Variants in CTNNA1 observed in about 807,000 individuals in gnomAD.
The protein encoded by CTNNA1 is catenin alpha 1.
CTNNA1 carries 37 observed loss-of-function variants against 98.4 expected under a neutral mutation model. The ratio of observed to expected loss-of-function variants is 0.38; its 90% CI spans 0.29 to 0.49. The LOEUF is 0.49. CTNNA1 is among the 20% of genes least tolerant of loss of function. CTNNA1 has a pLI of 0.95. For synonymous variants in CTNNA1, 404 were observed against 413.2 expected, an observed-to-expected ratio of 0.98 and a Z score of 0.27; for missense variants, 761 against 1,147.2, an observed-to-expected ratio of 0.66 and a Z score of 4.86.
intron 7 of CTNNA1, among the ~76,000 whole-genome samples, chr5:138,832,053 A>G (rs1428157760): frequency 1.3e-5 from 2 of 152,236 alleles, no homozygotes; most frequent in Non-Finnish European, 2.9e-5. Context: ...TGTTGAAAAA[A>G]TTAAACCAAA....
In CTNNA1 at chr5:138,819,719, C is replaced by G. The variant is rs148968564; in HGVS notation, c.589-4811C>G. Among the ~76,000 whole-genome samples, 351 of 152,230 alleles carry G rather than the reference C, an allele frequency of 2.3e-3. 2 individuals carry two copies. The highest frequency in any genetic ancestry group is 7.8e-3 in the African/African-American group (326 of 41,534). Reference sequence around the variant, plus strand: ...TGGGCACTAGTGTGGGGTGACTCCTCTAAGCAGCGAAGGTACTGTTTTCCC... The same window carrying G: ...TGGGCACTAGTGTGGGGTGACTCCTGTAAGCAGCGAAGGTACTGTTTTCCC... On this transcript the variant is annotated intron_variant, in intron 5 of 17. Coordinates refer to ENST00000302763, the MANE Select transcript of CTNNA1 (RefSeq NM_001903.5).
intron 7 of CTNNA1, among the ~76,000 whole-genome samples, chr5:138,846,873 A>G (rs753084613): frequency 1.1e-4 from 16 of 152,118 alleles, no homozygotes; most frequent in Non-Finnish European, 1.5e-4. Flanking sequence ...CATTATGTAC[A>G]TTGTTAGCCC....
chr5:138,842,636 G>A (rs1434167851), intron 7 of CTNNA1, among the ~76,000 whole-genome samples: 3 of 152,140 alleles, frequency 2.0e-5, no homozygotes, highest in African/African-American at 7.2e-5. Flanking sequence ...TTTTGTTGTG[G>A]AAAATCAGAC....
intron 3 of CTNNA1, among the ~76,000 whole-genome samples, chr5:138,802,877 A>G (rs141561182): frequency 6.6e-6 from 1 of 151,998 alleles, no homozygotes; most frequent in Admixed American, 6.6e-5. Flanking sequence ...AGCTCACTGT[A>G]GCCTTGACCT....
At chr5:138,761,556 C>T (rs1240601553) in intron 1 of CTNNA1, among the ~76,000 whole-genome samples, 3 of 151,628 alleles carry the variant, frequency 2.0e-5, no homozygotes, top group Admixed American at 6.6e-5. Context: ...GATTGGTATA[C>T]GAGAGAGTGA....
At chr5:138,897,107 C>T (rs370202646) in intron 9 of CTNNA1, among the ~76,000 whole-genome samples, 2 of 152,024 alleles carry the variant, frequency 1.3e-5, no homozygotes, top group South Asian at 2.1e-4. Context: ...ATCCTTTCCC[C>T]GCTACCACCA....
Position 138,924,553 on chromosome 5 carries a change from C to G in CTNNA1, c.1590C>G (p.Leu530=), listed in dbSNP as rs1035585758. 1 of 1,614,184 alleles carries G rather than the reference C, an allele frequency of 6.2e-7. No individual in the cohort carries two copies. The highest frequency in any genetic ancestry group is 1.1e-5 in the South Asian group (1 of 91,066). The change falls in exon 12 of 18, where the codon CTC becomes CTG. Residue 530 remains leucine, a synonymous_variant. Transcript: ENST00000302763. ...LEDVNKCVIA[L]QEKDVDGLDR... Reference sequence around the variant, plus strand: ...ATGTGAACAAATGTGTCATTGCTCTCCAAGAGAAGGATGTGGATGGCCTGG... The same window carrying G: ...ATGTGAACAAATGTGTCATTGCTCTGCAAGAGAAGGATGTGGATGGCCTGG...
At chr5:138,906,069 A>G (rs1411982818) in intron 10 of CTNNA1, among the ~76,000 whole-genome samples, 8 of 152,282 alleles carry the variant, frequency 5.3e-5, no homozygotes, top group African/African-American at 1.9e-4. Flanking sequence ...CAACCAAAAT[A>G]AGTAAAGCCT....
At chr5:138,775,881 C>T (rs1476725031) in intron 1 of CTNNA1, among the ~76,000 whole-genome samples, 2 of 151,168 alleles carry the variant, frequency 1.3e-5, no homozygotes, top group African/African-American at 2.4e-5. Context: ...TGCCACCACA[C>T]CTGGCTAATT....
intron 17 of CTNNA1, 120 bp downstream of exon 17, chr5:138,932,832 C>G: frequency 7.9e-7 from 1 of 1,265,442 alleles, no homozygotes. Context: ...GCAGAAACTC[C>G]AAGTCCTGTC....
intron 1 of CTNNA1, among the ~76,000 whole-genome samples, chr5:138,779,717 G>A (rs112891070): frequency 2.7e-5 from 2 of 74,478 alleles, no homozygotes; most frequent in Non-Finnish European, 5.8e-5. Context: ...GTTTTTTTTT[G>A]TTTTTGTTTT....
rs1180858631 is a variant in CTNNA1, at chr5:138,758,514, C to CT, written c.-3+5005dup. ...TGCCTCAGCCTCGCAAATAGCTGGA[C>CT]TACAGGCACATGCCACCACGCCCAG... On this transcript the variant is annotated intron_variant, in intron 1 of 17. Coordinates refer to ENST00000302763, the MANE Select transcript of CTNNA1 (RefSeq NM_001903.5). Among the ~76,000 whole-genome samples, 5 of 152,086 alleles carry CT rather than the reference C, an allele frequency of 3.3e-5. No homozygotes were observed. In the South Asian group the frequency reaches 8.3e-4, roughly 25 times the overall value.
At chr5:138,892,339 T>TG (rs1433981593) in intron 9 of CTNNA1, among the ~76,000 whole-genome samples, 21 of 77,558 alleles carry the variant, frequency 2.7e-4, no homozygotes, top group African/African-American at 8.5e-4. Flanking sequence ...TTTTTTTTTT[T>TG]TTTTTTTTTT....
chr5:138,777,403 G>T (rs1208641689), intron 1 of CTNNA1, among the ~76,000 whole-genome samples: 1 of 136,838 alleles, frequency 7.3e-6, no homozygotes, highest in African/African-American at 2.7e-5. Flanking sequence ...GGCTCCTCAC[G>T]TCCCAGACGA....
chr5:138,876,828 G>T (rs748133621), intron 7 of CTNNA1, among the ~76,000 whole-genome samples: 2 of 152,232 alleles, frequency 1.3e-5, no homozygotes, highest in Non-Finnish European at 2.9e-5. Flanking sequence ...GTGTAAAGGT[G>T]CTATGAAAAC....
At chr5:138,871,805 T>A (rs1264920842) in intron 7 of CTNNA1, 11 of 152,266 alleles carry the variant, frequency 7.2e-5, no homozygotes, top group Admixed American at 6.5e-5. Context: ...CGTGAATGCG[T>A]ATCTTTATTG....
At chr5:138,862,631 C>T (rs967919607) in intron 7 of CTNNA1, among the ~76,000 whole-genome samples, 3 of 152,074 alleles carry the variant, frequency 2.0e-5, no homozygotes, top group Non-Finnish European at 2.9e-5. Flanking sequence ...TAAAGCCAAA[C>T]GAGAGTAATA....
At chr5:138,794,364 A>C (rs1003933661) in intron 3 of CTNNA1, among the ~76,000 whole-genome samples, 2 of 152,130 alleles carry the variant, frequency 1.3e-5, no homozygotes, top group African/African-American at 4.8e-5. Context: ...AAAAAAAAAC[A>C]AAAAAACAAC....
rs1381016671 is a variant in CTNNA1 at position 138,928,961 on chromosome 5, C to T, written c.1900-285C>T. 2.6e-5 allele frequency among the ~76,000 whole-genome samples: 4 copies of T among 151,800 alleles called. No individual in the cohort carries two copies. The East Asian group carries it at 7.7e-4, about 29-fold the overall frequency. The stretch of plus-strand genomic sequence containing the variant: ...AAAGGAAAAAAAAAAACAATCATGT[C>T]TTACAAAGAAATAGTGAATTGACTC... On this transcript the variant is annotated intron_variant, in intron 13 of 17. Transcript: ENST00000302763.
Sources: allele counts gnomAD v4.1 joint callset (sites outside exome capture counted in the v4.1 genomes callset), GRCh38; gene constraint gnomAD v4.1.1; transcripts MANE v1.5; gene names NCBI Gene and HGNC (gene_info 2026-07-23, HGNC 2026-07-21).